The following GABRB3 variants were observed in gnomAD, a reference collection of about 807,000 sequenced individuals.
GABRB3 encodes the protein gamma-aminobutyric acid receptor subunit beta-3.
In GABRB3, 14 loss-of-function variants were observed where a neutral mutation model predicts 52.1. That is an observed-to-expected ratio of 0.27 (90% CI 0.18 to 0.42). The LOEUF (loss-of-function observed/expected upper bound fraction) is 0.42, where lower values mean the gene tolerates loss of function less well. Among genes scored for constraint, GABRB3 ranks in the 10% least tolerant of loss-of-function variants. The pLI, the probability that GABRB3 is intolerant of heterozygous loss-of-function variation, is 1.00. For missense variants in GABRB3, 307 were observed against 609.1 expected, an observed-to-expected ratio of 0.50 and a Z score of 5.22; for synonymous variants, 260 against 232.3, an observed-to-expected ratio of 1.12 and a Z score of -1.08.
intron 4 of GABRB3, among the ~76,000 whole-genome samples, chr15:26,607,266 T>C (rs1050449575): frequency 1.3e-5 from 2 of 152,164 alleles, no homozygotes; most frequent in African/African-American, 4.8e-5. Flanking sequence ...GGCTTAAGTT[T>C]TACTTTTATC....
chr15:26,618,334 C>T (rs1370116597), intron 4 of GABRB3, among the ~76,000 whole-genome samples: 1 of 151,716 alleles, frequency 6.6e-6, no homozygotes, highest in Non-Finnish European at 1.5e-5. Context: ...ATCAATGGAA[C>T]AGAACAGAGC....
At chr15:26,606,239 AG>A (rs1837048009) in intron 4 of GABRB3, among the ~76,000 whole-genome samples, 1 of 152,282 alleles carries the variant, frequency 6.6e-6, no homozygotes, top group African/African-American at 2.4e-5. Flanking sequence ...ATAGCACAAC[AG>A]GGGGACTATA....
intron 3 of GABRB3, among the ~76,000 whole-genome samples, chr15:26,672,792 G>A (rs1187153897): frequency 6.6e-6 from 1 of 152,130 alleles, no homozygotes; most frequent in African/African-American, 2.4e-5. Context: ...GATGCGCAAT[G>A]TTTACAAGGA....
At chr15:26,628,846 G>T (rs1299282713) in intron 3 of GABRB3, 1 of 931,876 alleles carries the variant, frequency 1.1e-6, no homozygotes, top group Non-Finnish European at 1.6e-6. Context: ...GGCCAGCAGA[G>T]GCCTGAAACG....
At position 26,746,844 on chromosome 15, in the gene GABRB3, G is replaced by A. The variant is rs141877558; in HGVS notation, c.240+25558C>T. Among the ~76,000 whole-genome samples, 241 of 152,100 alleles carry A rather than the reference G, an allele frequency of 1.6e-3. 1 individual carries two copies. The highest frequency in any genetic ancestry group is 2.9e-3 in the Non-Finnish European group (195 of 67,980). ...CTACTAAAAATACAAAAAATTAGCC[G>A]GGCGTGGTGGCGGGCACCTGTAGTC... On this transcript the variant is annotated intron_variant, in intron 3 of 8. Coordinates refer to ENST00000311550, the MANE Select transcript of GABRB3 (RefSeq NM_000814.6).
intron 4 of GABRB3, among the ~76,000 whole-genome samples, chr15:26,602,342 G>A (rs1891619699): frequency 6.6e-6 from 1 of 152,092 alleles, no homozygotes; most frequent in Non-Finnish European, 1.5e-5. Context: ...TTCAGCATTG[G>A]ACAAATCTCC....
At chr15:26,740,657 C>A (rs904444711) in intron 3 of GABRB3, among the ~76,000 whole-genome samples, 1 of 152,158 alleles carries the variant, frequency 6.6e-6, no homozygotes, top group Non-Finnish European at 1.5e-5. Flanking sequence ...AGGCTTGGCT[C>A]TCCCTCCTTG....
chr15:26,573,042 T>C (rs529022519), intron 6 of GABRB3, among the ~76,000 whole-genome samples: 21 of 152,296 alleles, frequency 1.4e-4, no homozygotes, highest in African/African-American at 4.3e-4. Flanking sequence ...CAGAAGGTCA[T>C]GCCAGCTTTG....
chr15:26,754,831 G>C (rs1206140818), intron 3 of GABRB3, among the ~76,000 whole-genome samples: 1 of 152,114 alleles, frequency 6.6e-6, no homozygotes, highest in Non-Finnish European at 1.5e-5. Context: ...CCAAGCCTGA[G>C]ACCTCAGTTT....
chr15:26,615,984 C>T, intron 4 of GABRB3: 1 of 1,289,208 alleles, frequency 7.8e-7, no homozygotes, highest in Non-Finnish European at 1.0e-6. Context: ...CAGCTCTCTG[C>T]AAACCTTCCA....
At chr15:26,766,452 A>G (rs879544028) in intron 3 of GABRB3, among the ~76,000 whole-genome samples, 1 of 152,184 alleles carries the variant, frequency 6.6e-6, no homozygotes, top group Non-Finnish European at 1.5e-5. Context: ...ACACTTCTCA[A>G]TTTCTTTTGT....
intron 3 of GABRB3, among the ~76,000 whole-genome samples, chr15:26,648,228 A>G (rs1887074952): frequency 6.6e-6 from 1 of 152,164 alleles, no homozygotes; most frequent in African/African-American, 2.4e-5. Context: ...ATATGAGTGG[A>G]GTCACATAGC....
chr15:26,567,795 T>C, intron 6 of GABRB3, 62 bp from the exon 7 acceptor site: 2 of 1,531,356 alleles, frequency 1.3e-6, no homozygotes, highest in Non-Finnish European at 1.8e-6. Flanking sequence ...AAGAGTTTGC[T>C]TTGACTTCCA....
At chr15:26,561,320 G>C in intron 7 of GABRB3, 144 bp from the exon 8 acceptor site, 3 of 1,149,952 alleles carry the variant, frequency 2.6e-6, no homozygotes, top group Non-Finnish European at 2.6e-6. Context: ...ATGCAACAGA[G>C]CATACATCTT....
chr15:26,564,115 G>A (rs992889488), intron 7 of GABRB3, among the ~76,000 whole-genome samples: 1 of 151,938 alleles, frequency 6.6e-6, no homozygotes, highest in Non-Finnish European at 1.5e-5. Context: ...GCACCTCCAT[G>A]GTGCTCAAAG....
chr15:26,627,923 A>G (rs1009843352), intron 3 of GABRB3, among the ~76,000 whole-genome samples: 2 of 152,248 alleles, frequency 1.3e-5, no homozygotes, highest in Non-Finnish European at 2.9e-5. Flanking sequence ...GAAATCTTTC[A>G]TGAAAGGAAT....
At chr15:26,694,985 T>C (rs759226467) in intron 3 of GABRB3, among the ~76,000 whole-genome samples, 14 of 152,116 alleles carry the variant, frequency 9.2e-5, no homozygotes, top group Non-Finnish European at 1.8e-4. Context: ...CTCACAAATA[T>C]GTCAATAGAG....
At position 26,611,141 on chromosome 15, in the gene GABRB3, A is replaced by G. The variant is rs551280973; in HGVS notation, c.461+10173T>C. Among the ~76,000 whole-genome samples the G allele has an allele frequency of 1.6e-4, 24 of 152,268 alleles. No individual in the cohort carries two copies. The South Asian group carries it at 5.0e-3, about 32-fold the overall frequency. On this transcript the variant is annotated intron_variant, in intron 4 of 8. Coordinates refer to ENST00000311550, the MANE Select transcript of GABRB3 (RefSeq NM_000814.6). ...GCGAACAAGGAAGTAACTGGAAATG[A>G]TAACTAGTTTTGTATAATATCTCAG...
intron 3 of GABRB3, among the ~76,000 whole-genome samples, chr15:26,714,349 C>G (rs1294788218): frequency 2.6e-5 from 4 of 152,144 alleles, no homozygotes; most frequent in Non-Finnish European, 5.9e-5. Flanking sequence ...GTTTATTTTG[C>G]CAGGGTTGAG....
Sources: gnomAD v4.1 joint callset for allele counts (sites outside exome capture counted in the v4.1 genomes callset) on GRCh38, gnomAD v4.1.1 for gene constraint, MANE v1.5 for transcripts, NCBI Gene and HGNC (gene_info 2026-07-23, HGNC 2026-07-21) for gene names.